The following SRSF6 variants were observed in gnomAD, a reference collection of about 807,000 sequenced individuals.
SRSF6 encodes serine and arginine rich splicing factor 6.
A neutral mutation model predicts 42.0 loss-of-function variants in SRSF6; 17 were observed. That is an observed-to-expected ratio of 0.40 (90% CI 0.28 to 0.61). The LOEUF (loss-of-function observed/expected upper bound fraction) is 0.61. Ranked by LOEUF, SRSF6 falls within the 20% of genes least tolerant of loss-of-function variation. The pLI is 0.37. For synonymous variants in SRSF6, 204 were observed against 166.7 expected, an observed-to-expected ratio of 1.22 and a Z score of -1.72; for missense variants, 379 against 471.4, an observed-to-expected ratio of 0.80 and a Z score of 1.81.
Position 43,458,137 on chromosome 20 carries a change from A to G in SRSF6, c.104A>G (p.Asn35Ser). 1 of 1,610,908 alleles carries G rather than the reference A, an allele frequency of 6.2e-7. No individual in the cohort carries two copies. The highest frequency in any genetic ancestry group is 1.1e-5 in the South Asian group (1 of 90,876). The change falls in exon 1 of 6, where the codon AAT becomes AGT. Residue 35 changes from asparagine (N) to serine (S), a missense_variant. This residue lies in a region of SRSF6 where 117 missense variants were observed against 146.8 expected (regional missense o/e 0.80). Coordinates refer to ENST00000244020, the MANE Select transcript of SRSF6 (RefSeq NM_006275.6). Reference protein sequence around the residue: ...YGRLLEVDLKNGYGFVEFEDS... With the variant: ...YGRLLEVDLKSGYGFVEFEDS... ...CGCCTCCTCGAAGTAGACCTCAAAA[A>G]TGGGTGAGTCGGGCCTGGGCGCCCG...
At chr20:43,459,535 G>A (rs955117514) in intron 2 of SRSF6, 4 of 1,312,942 alleles carry the variant, frequency 3.0e-6, no homozygotes, top group South Asian at 1.6e-5. Context: ...GAGGTAAATC[G>A]AATAAAGGAG....
Position 43,461,450 on chromosome 20 carries a change from C to T in SRSF6, c.*387C>T, listed in dbSNP as rs2017598254. On this transcript the variant is annotated 3_prime_UTR_variant, in exon 6 of 6. Transcript: ENST00000244020. ...TTATTTTTAAATTAACTGTTTTGAGCTTTGAATACTTAAGGCTTTAGAGGG... is the reference window on the plus strand; with the variant it reads ...TTATTTTTAAATTAACTGTTTTGAGTTTTGAATACTTAAGGCTTTAGAGGG... 2.0e-5 allele frequency: 3 copies of T among 149,628 alleles called. No individual in the cohort carries two copies. Among genetic ancestry groups the T allele is most frequent in the South Asian group, 2.3e-4 (1 of 4,370 alleles). 9.3% of individuals were successfully genotyped at this position (149,628 alleles called of 1,614,324 possible). A position where few individuals can be genotyped will look rare whatever the true frequency, so the allele number is the denominator to read the frequency against.
chr20:43,458,659 G>A lies in SRSF6; in HGVS notation c.256+150G>A, dbSNP rs1429413952. On this transcript the variant is annotated intron_variant, in intron 2 of 5. Coordinates refer to ENST00000244020, the MANE Select transcript of SRSF6 (RefSeq NM_006275.6). ...CCCGCTGCCTTCACGTCTGCCCGGGGCAGCCATGGGACGCCGGAGCGCGGG... is the reference window on the plus strand; with the variant it reads ...CCCGCTGCCTTCACGTCTGCCCGGGACAGCCATGGGACGCCGGAGCGCGGG... 2.4e-5 allele frequency: 20 copies of A among 832,752 alleles called. No individual in the cohort carries two copies. The East Asian group carries it at 6.2e-4, about 26-fold the overall frequency. 51.6% of individuals were successfully genotyped at this position (832,752 alleles called of 1,614,324 possible). A position where few individuals can be genotyped will look rare whatever the true frequency, so the allele number is the denominator to read the frequency against.
chr20:43,460,897 A>C lies in SRSF6; in HGVS notation c.869A>C (p.Lys290Thr). The C allele has an allele frequency of 1.9e-6, 3 of 1,614,156 alleles. No individual in the cohort carries two copies. The highest frequency in any genetic ancestry group is 2.5e-6 in the Non-Finnish European group (3 of 1,180,022). ...AAAGAAAATGGAAAGGGTGATATAA[A>C]GTCAAAATCCAGATCAAGGAGCCAG... ...SPKENGKGDI[K>T]SKSRSRSQSR... The change falls in exon 6 of 6, where the codon AAG becomes ACG. Residue 290 changes from lysine (K) to threonine (T), a missense_variant. Physicochemically the swap from Lys to Thr is moderately conservative, Grantham distance 78 (BLOSUM62 -1). This residue lies in a region of SRSF6 where 219 missense variants were observed against 216.1 expected (regional missense o/e 1.01). Transcript: ENST00000244020.
chr20:43,462,926 A>C lies in SRSF6; in HGVS notation c.*1863A>C, dbSNP rs548555415. Reference sequence around the variant, plus strand: ...TTATAGTTCATTGTTTTGCCTACTCAGCAGAAGTGATGACTCTTAAAAATT... The same window carrying C: ...TTATAGTTCATTGTTTTGCCTACTCCGCAGAAGTGATGACTCTTAAAAATT... On this transcript the variant is annotated 3_prime_UTR_variant, in exon 6 of 6. Coordinates refer to ENST00000244020, the MANE Select transcript of SRSF6 (RefSeq NM_006275.6). 6 of 152,800 alleles carry C rather than the reference A, an allele frequency of 3.9e-5. No individual in the cohort carries two copies. The East Asian group carries it at 1.2e-3, about 29-fold the overall frequency. The allele number at this position is 152,800 out of a possible 1,614,324, so 9.5% of individuals were successfully genotyped here. A position where few individuals can be genotyped will look rare whatever the true frequency, so the allele number is the denominator to read the frequency against.
At chr20:43,458,584 C>G (rs2017538130) in intron 2 of SRSF6, 75 bp downstream of exon 2, 7 of 1,372,966 alleles carry the variant, frequency 5.1e-6, no homozygotes, top group Non-Finnish European at 5.6e-6. Flanking sequence ...GGCCTCCCAG[C>G]CCGGGCAGGC....
chr20:43,461,334 GTTGTTTTTTTTTTTTTTTTTTTTT>G lies in SRSF6; in HGVS notation c.*274_*297del. ...TTTGTAAAGATTAAGCTCATTTAGT[GTTGTTTTTTTTTTTTTTTTTTTTT>G]TTTTTTTTTTTTTTTTAGTATTTCA... On this transcript the variant is annotated 3_prime_UTR_variant, in exon 6 of 6. Transcript: ENST00000244020. 2 of 55,128 alleles carry G rather than the reference GTTGTTTTTTTTTTTTTTTTTTTTT, an allele frequency of 3.6e-5. No individual in the cohort carries two copies. Among genetic ancestry groups the G allele is most frequent in the Non-Finnish European group, 3.2e-5 (1 of 30,912 alleles). 3.4% of individuals were successfully genotyped at this position (55,128 alleles called of 1,614,324 possible).
Position 43,458,147 on chromosome 20 carries a change from C to G in SRSF6, c.107+7C>G, listed in dbSNP as rs760833123. On this transcript the variant is annotated splice_region_variant and intron_variant, in intron 1 of 5. Transcript: ENST00000244020. The stretch of plus-strand genomic sequence containing the variant: ...AAGTAGACCTCAAAAATGGGTGAGT[C>G]GGGCCTGGGCGCCCGCGCCCAGCGT... 4.3e-6 allele frequency: 7 copies of G among 1,610,138 alleles called. No homozygotes were observed. In the Admixed American group the frequency reaches 8.4e-5, roughly 19 times the overall value.
chr20:43,460,409 C>CACTGTTTAAAAACA, intron 4 of SRSF6, 106 bp from the exon 5 acceptor site: 23 of 1,382,366 alleles, frequency 1.7e-5, no homozygotes, highest in Non-Finnish European at 2.1e-5. Flanking sequence ...TATTTAATTT[C>CACTGTTTAAAAACA]GTAGTAAAGA....
intron 1 of SRSF6, 39 bp downstream of exon 1, chr20:43,458,179 C>T (rs1423618245): frequency 1.9e-6 from 3 of 1,590,230 alleles, no homozygotes; most frequent in East Asian, 2.3e-5. Context: ...GCGTCCCAGG[C>T]CTGGTGGCGG....
Position 43,458,105 on chromosome 20 carries a change from C to T in SRSF6, c.72C>T (p.Gly24=), listed in dbSNP as rs1194751012. 6 of 1,613,398 alleles carry T rather than the reference C, an allele frequency of 3.7e-6. No individual in the cohort carries two copies. The highest frequency in any genetic ancestry group is 1.3e-5 in the African/African-American group (1 of 74,844). ...REKDIQRFFS[G]YGRLLEVDLK... ...AGGACATCCAGCGCTTTTTCAGTGG[C>T]TATGGCCGCCTCCTCGAAGTAGACC... Residue 24 remains glycine (G), a synonymous_variant, in exon 1 of 6, where the codon GGC becomes GGT. Coordinates refer to ENST00000244020, the MANE Select transcript of SRSF6 (RefSeq NM_006275.6).
At chr20:43,459,975 T>C in intron 3 of SRSF6, 58 bp from the exon 4 acceptor site, 3 of 1,605,066 alleles carry the variant, frequency 1.9e-6, no homozygotes, top group South Asian at 2.2e-5. Flanking sequence ...TTTCTGGGAA[T>C]TTATTATGGT....
rs775084363 is a variant in SRSF6 at position 43,460,673 on chromosome 20, T to G, written c.675-30T>G. 6 of 1,612,240 alleles carry G rather than the reference T, an allele frequency of 3.7e-6. No homozygotes were observed. In the Admixed American group the frequency reaches 1.0e-4, roughly 27 times the overall value. ...GGAGTATGTGTACATTCTCACTAAG[T>G]ATTGAGAAAATCGGTCTTTCCTTGT... is the stretch of plus-strand genomic sequence containing the variant. On this transcript the variant is annotated intron_variant, in intron 5 of 5. Coordinates refer to ENST00000244020, the MANE Select transcript of SRSF6 (RefSeq NM_006275.6).
intron 3 of SRSF6, 36 bp from the exon 4 acceptor site, chr20:43,459,997 T>C (rs1250211905): frequency 1.2e-6 from 2 of 1,613,680 alleles, no homozygotes; most frequent in South Asian, 2.2e-5. Context: ...TATAGATGTT[T>C]TAAGATTTCC....
rs1204891598 is a variant in SRSF6, at chr20:43,461,352, T to G, written c.*289T>G. 208 of 230,258 alleles carry G rather than the reference T, an allele frequency of 9.0e-4. 2 individuals carry two copies. In the South Asian group the frequency reaches 0.012, roughly 13 times the overall value. The allele number at this position is 230,258 out of a possible 1,614,324, so 14.3% of individuals were successfully genotyped here. A position where few individuals can be genotyped will look rare whatever the true frequency, so the allele number is the denominator to read the frequency against. The stretch of plus-strand genomic sequence containing the variant: ...ATTTAGTGTTGTTTTTTTTTTTTTT[T>G]TTTTTTTTTTTTTTTTTTTTTTAGT... On this transcript the variant is annotated 3_prime_UTR_variant, in exon 6 of 6. Transcript: ENST00000244020.
chr20:43,459,965 T>A, intron 3 of SRSF6, 68 bp from the exon 4 acceptor site: 2 of 1,604,348 alleles, frequency 1.2e-6, no homozygotes, highest in Non-Finnish European at 8.5e-7. Context: ...TATATTCTTA[T>A]TTCTGGGAAT....
At chr20:43,458,280 G>T (rs1300194468) in intron 1 of SRSF6, 81 bp from the exon 2 acceptor site, 14 of 1,403,038 alleles carry the variant, frequency 1.0e-5, no homozygotes, top group Non-Finnish European at 1.3e-5. Context: ...GCGGGGGCGC[G>T]CGGTGGGGTA....
chr20:43,461,164 GAA>G lies in SRSF6; in HGVS notation c.*104_*105del. On this transcript the variant is annotated 3_prime_UTR_variant, in exon 6 of 6. Coordinates refer to ENST00000244020, the MANE Select transcript of SRSF6 (RefSeq NM_006275.6). ...GCCTCTTCTGCAAGAGGAATCTCTT[GAA>G]AACAGGGGCACACAGAAATTTGATT... 7.0e-7 allele frequency: 1 copy of G among 1,424,018 alleles called. No individual in the cohort carries two copies. Among genetic ancestry groups the G allele is most frequent in the South Asian group, 1.7e-5 (1 of 58,192 alleles). The allele number at this position is 1,424,018 out of a possible 1,614,324, so 88.2% of individuals were successfully genotyped here. A position where few individuals can be genotyped will look rare whatever the true frequency, so the allele number is the denominator to read the frequency against.
At chr20:43,458,624 G>A in intron 2 of SRSF6, 115 bp downstream of exon 2, 2 of 1,093,176 alleles carry the variant, frequency 1.8e-6, no homozygotes, top group African/African-American at 1.7e-5. Flanking sequence ...TGACTTGGGT[G>A]TCCCCGAGCC....
Sources: gnomAD v4.1 joint callset for allele counts on GRCh38, gnomAD v4.1.1 for gene constraint, gnomAD v4.1.1 regional missense constraint, MANE v1.5 for transcripts, NCBI Gene and HGNC (gene_info 2026-07-23, HGNC 2026-07-21) for gene names.